The following KIAA1549L variants were observed in gnomAD, a reference collection of about 807,000 sequenced individuals.
KIAA1549L encodes UPF0606 protein KIAA1549L.
In KIAA1549L, 88 loss-of-function variants were observed where a neutral mutation model predicts 160.7. The ratio of observed to expected loss-of-function variants is 0.55; its 90% CI spans 0.46 to 0.65. KIAA1549L has a LOEUF of 0.65. KIAA1549L is among the 30% of genes least tolerant of loss of function. KIAA1549L has a pLI of 0.00. For missense variants in KIAA1549L, 2,258 were observed against 2,437.5 expected, an observed-to-expected ratio of 0.93 and a Z score of 1.55; for synonymous variants, 950 against 976.7, an observed-to-expected ratio of 0.97 and a Z score of 0.51.
chr11:33,628,262 T>C (rs1365423651), intron 16 of KIAA1549L, among the ~76,000 whole-genome samples: 1 of 152,150 alleles, frequency 6.6e-6, no homozygotes, highest in Non-Finnish European at 1.5e-5. Context: ...GTATATTCTG[T>C]TGATTTGGGG....
intron 1 of KIAA1549L, among the ~76,000 whole-genome samples, chr11:33,442,925 A>G (rs946854287): frequency 6.6e-6 from 1 of 152,120 alleles, no homozygotes; most frequent in Non-Finnish European, 1.5e-5. Context: ...TCCATAAATT[A>G]TGTCCTTGGC....
intron 1 of KIAA1549L, among the ~76,000 whole-genome samples, chr11:33,524,451 T>C (rs1403408841): frequency 1.3e-5 from 2 of 152,240 alleles, no homozygotes; most frequent in East Asian, 3.9e-4. Context: ...TACTATTCTT[T>C]GTGTTATAAT....
intron 1 of KIAA1549L, among the ~76,000 whole-genome samples, chr11:33,485,464 TTTG>T (rs1219909407): frequency 6.6e-6 from 1 of 152,218 alleles, no homozygotes; most frequent in African/African-American, 2.4e-5. Context: ...AAAGTATCTA[TTTG>T]TTTTTTAAAT....
chr11:33,623,773 T>G (rs1851022241), intron 16 of KIAA1549L, among the ~76,000 whole-genome samples: 1 of 152,144 alleles, frequency 6.6e-6, no homozygotes, highest in Admixed American at 6.5e-5. Context: ...AGTGACCTCC[T>G]TCAGAGCCAG....
chr11:33,601,029 T>G (rs1290563261), intron 13 of KIAA1549L, among the ~76,000 whole-genome samples: 1 of 152,080 alleles, frequency 6.6e-6, no homozygotes, highest in Non-Finnish European at 1.5e-5. Context: ...TCCTGCCTCT[T>G]TATTCTATTT....
rs574744149 is a variant in KIAA1549L at position 33,598,024 on chromosome 11, G to T, written c.4752-796G>T. On this transcript the variant is annotated intron_variant, in intron 12 of 20. Coordinates refer to ENST00000658780, the MANE Select transcript of KIAA1549L (RefSeq NM_012194.3). ...TTGGTACACAGTAGGTGATCCTGGT[G>T]GGGAGCTCTTGGGGGGCATGGGGTG... is the stretch of plus-strand genomic sequence containing the variant. Among the ~76,000 whole-genome samples, 3 of 152,292 alleles carry T rather than the reference G, an allele frequency of 2.0e-5. No homozygotes were observed. The East Asian group carries it at 5.8e-4, about 29-fold the overall frequency.
chr11:33,412,255 GA>G (rs910769093), intron 1 of KIAA1549L, among the ~76,000 whole-genome samples: 2 of 152,178 alleles, frequency 1.3e-5, no homozygotes, highest in African/African-American at 2.4e-5. Flanking sequence ...TACAAAGGAA[GA>G]AAAATCTATA....
chr11:33,609,246 A>G (rs4755750), intron 14 of KIAA1549L, among the ~76,000 whole-genome samples: 108,290 of 152,190 alleles, frequency 0.71, 39,397 homozygotes, highest in African/African-American at 0.88. Flanking sequence ...GTGGAAAGGC[A>G]TTGGGAGCAG....
intron 1 of KIAA1549L, among the ~76,000 whole-genome samples, chr11:33,400,636 A>G (rs1473001035): frequency 6.6e-6 from 1 of 152,232 alleles, no homozygotes; most frequent in East Asian, 1.9e-4. Context: ...CCCACAGCAC[A>G]TAGTAGAAAT....
chr11:33,395,872 C>G (rs1313793336), intron 1 of KIAA1549L, among the ~76,000 whole-genome samples: 1 of 152,038 alleles, frequency 6.6e-6, no homozygotes, highest in Admixed American at 6.6e-5. Context: ...TCGCCGTACT[C>G]AGCACAGAGG....
At chr11:33,404,602 A>G (rs373255773) in intron 1 of KIAA1549L, among the ~76,000 whole-genome samples, 8 of 152,248 alleles carry the variant, frequency 5.3e-5, no homozygotes, top group African/African-American at 1.9e-4. Flanking sequence ...GGAAAAAAAT[A>G]AAAAGAAAAA....
chr11:33,551,155 A>G lies in KIAA1549L; in HGVS notation c.3617A>G (p.Asn1206Ser). 1 of 1,613,986 alleles carries G rather than the reference A, an allele frequency of 6.2e-7. No homozygotes were observed. Among genetic ancestry groups the G allele is most frequent in the Non-Finnish European group, 8.5e-7 (1 of 1,179,848 alleles). ...ATGCTGGGTGTGTATGGAGTCAGCAACGTCACTGCAGACCTGAAGCAACAC... is the reference window on the plus strand; with the variant it reads ...ATGCTGGGTGTGTATGGAGTCAGCAGCGTCACTGCAGACCTGAAGCAACAC... ...IEMLGVYGVS[N>S]VTADLKQHTP... The change falls in exon 5 of 21, where the codon AAC becomes AGC. Residue 1206 changes from asparagine (N) to serine (S), a missense_variant. Coordinates refer to ENST00000658780, the MANE Select transcript of KIAA1549L (RefSeq NM_012194.3).
intron 1 of KIAA1549L, among the ~76,000 whole-genome samples, chr11:33,445,048 A>G (rs1373727330): frequency 6.6e-6 from 1 of 152,200 alleles, no homozygotes; most frequent in African/African-American, 2.4e-5. Flanking sequence ...GGGATGCAGA[A>G]ATAGTAGGAG....
chr11:33,506,375 A>G (rs1454584513), intron 1 of KIAA1549L, among the ~76,000 whole-genome samples: 1 of 152,062 alleles, frequency 6.6e-6, no homozygotes, highest in Non-Finnish European at 1.5e-5. Context: ...ACCATCTGAT[A>G]TTCTGTAGTA....
intron 1 of KIAA1549L, among the ~76,000 whole-genome samples, chr11:33,416,594 G>A (rs1850894249): frequency 6.6e-6 from 1 of 152,134 alleles, no homozygotes; most frequent in African/African-American, 2.4e-5. Flanking sequence ...CATATGGGAG[G>A]ATGTGTGTAG....
intron 15 of KIAA1549L, among the ~76,000 whole-genome samples, chr11:33,610,509 C>T (rs961182629): frequency 8.5e-5 from 13 of 152,198 alleles, no homozygotes; most frequent in Admixed American, 7.2e-4. Flanking sequence ...TGCTGTCATG[C>T]TCATGTGGGC....
At chr11:33,421,754 G>T (rs2134104741) in intron 1 of KIAA1549L, among the ~76,000 whole-genome samples, 1 of 152,296 alleles carries the variant, frequency 6.6e-6, no homozygotes, top group African/African-American at 2.4e-5. Context: ...GTTGGTGGGA[G>T]TTTTAATAGA....
chr11:33,431,553 G>A (rs1190529972), intron 1 of KIAA1549L, among the ~76,000 whole-genome samples: 1 of 152,186 alleles, frequency 6.6e-6, no homozygotes, highest in African/African-American at 2.4e-5. Context: ...GCTAGACACA[G>A]GGTGCTGATT....
At chr11:33,434,099 A>G (rs542815042) in intron 1 of KIAA1549L, among the ~76,000 whole-genome samples, 2 of 141,168 alleles carry the variant, frequency 1.4e-5, no homozygotes, top group African/African-American at 2.7e-5. Flanking sequence ...AAAAAAAAGA[A>G]TATGGTATTC....
Sources: gnomAD v4.1 joint callset for allele counts (sites outside exome capture counted in the v4.1 genomes callset) on GRCh38, gnomAD v4.1.1 for gene constraint, MANE v1.5 for transcripts, NCBI Gene and HGNC (gene_info 2026-07-23, HGNC 2026-07-21) for gene names.